The following GUCY1A2 variants were observed in gnomAD, a reference collection of about 807,000 sequenced individuals.
The protein encoded by GUCY1A2 is guanylate cyclase soluble subunit alpha-2.
GUCY1A2 carries 27 observed loss-of-function variants against 63.5 expected under a neutral mutation model. The observed-to-expected ratio is 0.43, with a 90% CI of 0.31 to 0.59. The LOEUF is 0.59. GUCY1A2 is among the 20% of genes least tolerant of loss of function. The probability of loss-of-function intolerance (pLI) is 0.11; values close to 1 mark genes in which losing one functional copy is unlikely to be tolerated. For missense variants in GUCY1A2, 768 were observed against 913.3 expected (o/e 0.84, Z 2.05); for synonymous variants, 364 against 343.5 (o/e 1.06, Z -0.66).
chr11:106,841,643 G>C (rs1310279169), intron 4 of GUCY1A2, among the ~76,000 whole-genome samples: 1 of 151,834 alleles, frequency 6.6e-6, no homozygotes, highest in East Asian at 2.0e-4. Context: ...CCTACAAAAG[G>C]GTATGTGCTA....
intron 1 of GUCY1A2, among the ~76,000 whole-genome samples, chr11:107,000,918 G>A (rs551078939): frequency 9.3e-4 from 141 of 152,294 alleles, no homozygotes; most frequent in South Asian, 2.1e-3. Flanking sequence ...AACAGACTCA[G>A]AGTGACCATG....
chr11:106,998,468 T>C (rs1467093762), intron 1 of GUCY1A2, among the ~76,000 whole-genome samples: 1 of 152,242 alleles, frequency 6.6e-6, no homozygotes, highest in African/African-American at 2.4e-5. Context: ...GCACAAGTTA[T>C]ATAAGTAAGC....
intron 6 of GUCY1A2, among the ~76,000 whole-genome samples, chr11:106,709,501 A>ATGT: frequency 1.9e-5 from 1 of 51,666 alleles, no homozygotes; most frequent in African/African-American, 1.5e-4. Flanking sequence ...TATATATAAT[A>ATGT]ATATATATTA....
chr11:106,741,605 A>C (rs1863695103), intron 6 of GUCY1A2, among the ~76,000 whole-genome samples: 1 of 152,224 alleles, frequency 6.6e-6, no homozygotes, highest in Non-Finnish European at 1.5e-5. Flanking sequence ...GGACCAAAAT[A>C]AAAGATGATA....
rs909502884 is a variant in GUCY1A2, at chr11:106,679,353, A to C, written c.*8196T>G. On this transcript the variant is annotated 3_prime_UTR_variant, in exon 8 of 8. Coordinates refer to ENST00000526355, the MANE Select transcript of GUCY1A2 (RefSeq NM_000855.3). ...CTCTCCAGCTCAAATACTCTGGCAC[A>C]TTCTGTAAGAGACAGATGGACATTT... 1.0e-5 allele frequency: 2 copies of C among 193,028 alleles called. No individual in the cohort carries two copies. The highest frequency in any genetic ancestry group is 1.1e-5 in the Non-Finnish European group (1 of 92,534). The allele number at this position is 193,028 out of a possible 1,614,324, so 12.0% of individuals were successfully genotyped here.
At chr11:106,745,892 CT>C (rs1446663518) in intron 6 of GUCY1A2, among the ~76,000 whole-genome samples, 1 of 152,172 alleles carries the variant, frequency 6.6e-6, no homozygotes, top group African/African-American at 2.4e-5. Context: ...TCTAATGTAA[CT>C]TTTTCAGTTT....
chr11:107,014,776 G>A (rs752209916), intron 1 of GUCY1A2, among the ~76,000 whole-genome samples: 2 of 152,080 alleles, frequency 1.3e-5, no homozygotes, highest in Non-Finnish European at 1.5e-5. Flanking sequence ...GACAAAACAG[G>A]AGCTTCCATG....
chr11:106,825,543 A>C (rs1395445480), intron 4 of GUCY1A2, among the ~76,000 whole-genome samples: 1 of 151,504 alleles, frequency 6.6e-6, no homozygotes, highest in Admixed American at 6.6e-5. Context: ...AATTGTCTTA[A>C]GTTTTTTATG....
intron 1 of GUCY1A2, among the ~76,000 whole-genome samples, chr11:107,001,973 C>A (rs1468275603): frequency 6.6e-6 from 1 of 150,854 alleles, no homozygotes; most frequent in South Asian, 2.1e-4. Context: ...GAGCTGAGAT[C>A]GCAACACTAC....
chr11:106,883,635 T>C (rs1859857450), intron 4 of GUCY1A2, among the ~76,000 whole-genome samples: 1 of 152,132 alleles, frequency 6.6e-6, no homozygotes, highest in Admixed American at 6.5e-5. Context: ...AATCTAATAA[T>C]AAAATTTAGG....
intron 6 of GUCY1A2, among the ~76,000 whole-genome samples, chr11:106,712,424 T>A (rs1863136378): frequency 6.6e-6 from 1 of 152,194 alleles, no homozygotes; most frequent in African/African-American, 2.4e-5. Context: ...AAATCACCGT[T>A]TTAATGCCCT....
intron 1 of GUCY1A2, among the ~76,000 whole-genome samples, chr11:107,015,561 CAAAAAAAAAAAAAAAA>C (rs568139219): frequency 1.1e-3 from 31 of 27,506 alleles, no homozygotes; most frequent in South Asian, 2.8e-3. Context: ...TTCTCTTAGG[CAAAAAAAAAAAAAAAA>C]AAAAAAAAAA....
chr11:106,794,917 C>A lies in GUCY1A2; in HGVS notation c.1692+15076G>T, dbSNP rs1046142689. ...TAGCAAATTCCTAAAGACATTCTCT[C>A]TGATCTTGGTCTTCTTTCATATGAA... On this transcript the variant is annotated intron_variant, in intron 5 of 7. Transcript: ENST00000526355. 2.0e-5 allele frequency among the ~76,000 whole-genome samples: 3 copies of A among 152,158 alleles called. No individual in the cohort carries two copies. The South Asian group carries it at 6.2e-4, about 31-fold the overall frequency.
chr11:106,976,629 G>A (rs907274271), intron 3 of GUCY1A2, among the ~76,000 whole-genome samples: 2 of 152,120 alleles, frequency 1.3e-5, no homozygotes, highest in African/African-American at 4.8e-5. Flanking sequence ...AAATGTTAAT[G>A]TTAATGTTAA....
In GUCY1A2 at chr11:106,896,008, C is replaced by CA. The variant is rs780891598; in HGVS notation, c.1206+43451dup. 9.8e-4 allele frequency among the ~76,000 whole-genome samples: 111 copies of CA among 113,666 alleles called. 1 individual carries two copies. The highest frequency in any genetic ancestry group is 1.8e-3 in the Admixed American group (20 of 11,032). The allele number at this position is 113,666 out of a possible 152,430, so 74.6% of individuals were successfully genotyped here. ...TGGGCGACAGAGCAAGACTCTGTCT[C>CA]AAAAAAAAAAAAAATATATATATAT... On this transcript the variant is annotated intron_variant, in intron 4 of 7. Coordinates refer to ENST00000526355, the MANE Select transcript of GUCY1A2 (RefSeq NM_000855.3).
chr11:106,946,145 T>C (rs1320769155), intron 3 of GUCY1A2, among the ~76,000 whole-genome samples: 1 of 152,130 alleles, frequency 6.6e-6, no homozygotes, highest in Non-Finnish European at 1.5e-5. Flanking sequence ...TAAAAGTTTC[T>C]TCTTAAGGGG....
intron 4 of GUCY1A2, among the ~76,000 whole-genome samples, chr11:106,914,463 G>A (rs1257196684): frequency 1.3e-5 from 2 of 152,064 alleles, no homozygotes; most frequent in African/African-American, 4.8e-5. Context: ...TTGTAAACAG[G>A]CTTCACTTGG....
chr11:106,956,067 C>T (rs953706712), intron 3 of GUCY1A2, among the ~76,000 whole-genome samples: 2 of 151,394 alleles, frequency 1.3e-5, no homozygotes, highest in African/African-American at 4.9e-5. Context: ...CTTTCTTCTG[C>T]TTGGTCAATT....
At chr11:106,848,517 A>C (rs1476655044) in intron 4 of GUCY1A2, among the ~76,000 whole-genome samples, 1 of 151,700 alleles carries the variant, frequency 6.6e-6, no homozygotes, top group Non-Finnish European at 1.5e-5. Flanking sequence ...AAATGGTAGC[A>C]TATCTTCTTG....
Sources: allele counts gnomAD v4.1 joint callset (sites outside exome capture counted in the v4.1 genomes callset), GRCh38; gene constraint gnomAD v4.1.1; transcripts MANE v1.5; gene names NCBI Gene and HGNC (gene_info 2026-07-23, HGNC 2026-07-21).